Variants in MMP16 observed in about 807,000 individuals in gnomAD.
MMP16 encodes the protein matrix metalloproteinase-16.
Under a neutral mutation model 67.8 loss-of-function variants are expected in MMP16, and 12 were observed. The observed-to-expected ratio is 0.18, with a 90% CI of 0.11 to 0.29. MMP16 has a LOEUF of 0.29. Ranked by LOEUF, MMP16 falls within the 10% of genes least tolerant of loss-of-function variation. The pLI, the probability that MMP16 is intolerant of heterozygous loss-of-function variation, is 1.00. For synonymous variants in MMP16, 249 were observed against 255.9 expected, an observed-to-expected ratio of 0.97 and a Z score of 0.26; for missense variants, 475 against 765.7, an observed-to-expected ratio of 0.62 and a Z score of 4.48.
intron 1 of MMP16, among the ~76,000 whole-genome samples, chr8:88,304,741 A>G (rs561818350): frequency 6.6e-6 from 1 of 152,232 alleles, no homozygotes; most frequent in Non-Finnish European, 1.5e-5. Flanking sequence ...TCAGACAAGC[A>G]AATGCTGAGG....
chr8:88,074,546 C>T (rs941158332), intron 7 of MMP16, 59 bp downstream of exon 7: 4 of 1,530,828 alleles, frequency 2.6e-6, no homozygotes, highest in African/African-American at 2.7e-5. Flanking sequence ...GTGTGCACCA[C>T]AGGGTCCTAT....
chr8:88,168,199 G>A (rs532415437), intron 3 of MMP16, among the ~76,000 whole-genome samples: 7 of 152,166 alleles, frequency 4.6e-5, no homozygotes, highest in African/African-American at 7.2e-5. Flanking sequence ...GAAGATCTCT[G>A]TAGAATGGTT....
At chr8:88,237,044 G>T in intron 1 of MMP16, among the ~76,000 whole-genome samples, 1 of 152,138 alleles carries the variant, frequency 6.6e-6, no homozygotes, top group South Asian at 2.1e-4. Context: ...TTAAATCTCC[G>T]CAACTGCTCA....
chr8:88,106,340 A>G (rs1484921543), intron 6 of MMP16, among the ~76,000 whole-genome samples: 1 of 151,172 alleles, frequency 6.6e-6, no homozygotes, highest in Non-Finnish European at 1.5e-5. Context: ...TATCTTGGAG[A>G]TTCAACCTCA....
rs144694574 is a variant in MMP16, at chr8:88,312,731, G to A, written c.132+14344C>T. ...TGTTTGTAATCCCAACACTTTGGGA[G>A]GCTGAGGCGGGCAGATCACCTGAGG... On this transcript the variant is annotated intron_variant, in intron 1 of 9. Coordinates refer to ENST00000286614, the MANE Select transcript of MMP16 (RefSeq NM_005941.5). Among the ~76,000 whole-genome samples the A allele has an allele frequency of 5.4e-3, 824 of 152,260 alleles. 9 individuals carry two copies. The highest frequency in any genetic ancestry group is 0.019 in the African/African-American group (781 of 41,546).
chr8:88,230,847 C>T (rs1024453519), intron 1 of MMP16, among the ~76,000 whole-genome samples: 2 of 152,106 alleles, frequency 1.3e-5, no homozygotes, highest in African/African-American at 4.8e-5. Flanking sequence ...TATTCATGAT[C>T]TCTCTGTGAG....
intron 1 of MMP16, among the ~76,000 whole-genome samples, chr8:88,293,413 A>G (rs770961076): frequency 1.3e-5 from 2 of 152,140 alleles, no homozygotes; most frequent in Non-Finnish European, 2.9e-5. Flanking sequence ...CTATCTAATT[A>G]AATTCATTAC....
At chr8:88,228,555 A>C (rs1013665398) in intron 1 of MMP16, among the ~76,000 whole-genome samples, 17 of 152,112 alleles carry the variant, frequency 1.1e-4, no homozygotes, top group African/African-American at 4.1e-4. Flanking sequence ...ATTATAATAA[A>C]ATGTGTAGCT....
intron 6 of MMP16, among the ~76,000 whole-genome samples, chr8:88,115,494 T>C (rs1323357770): frequency 1.3e-5 from 2 of 152,086 alleles, no homozygotes; most frequent in Non-Finnish European, 2.9e-5. Flanking sequence ...ATGCATATTA[T>C]ATCGAATCCA....
intron 4 of MMP16, among the ~76,000 whole-genome samples, chr8:88,159,680 T>A (rs950597697): frequency 6.6e-6 from 1 of 151,902 alleles, no homozygotes. Flanking sequence ...TGAATAGGAG[T>A]GGTGAGAGAG....
chr8:88,068,243 AT>A (rs1416248122), intron 7 of MMP16, among the ~76,000 whole-genome samples: 2 of 151,954 alleles, frequency 1.3e-5, no homozygotes, highest in Non-Finnish European at 2.9e-5. Flanking sequence ...TACTCTGTTC[AT>A]TTTTATTGAG....
intron 7 of MMP16, among the ~76,000 whole-genome samples, chr8:88,060,166 C>T (rs536658146): frequency 5.1e-4 from 78 of 152,068 alleles, no homozygotes; most frequent in Non-Finnish European, 1.0e-3. Context: ...GACTGTTCAA[C>T]GTAAAATTGT....
At chr8:88,140,659 ATAAC>A in intron 4 of MMP16, among the ~76,000 whole-genome samples, 1 of 152,314 alleles carries the variant, frequency 6.6e-6, no homozygotes, top group Non-Finnish European at 1.5e-5. Flanking sequence ...TATTGAATAT[ATAAC>A]TAAGTTCTTT....
At chr8:88,156,507 T>C (rs752752689) in intron 4 of MMP16, among the ~76,000 whole-genome samples, 2 of 152,144 alleles carry the variant, frequency 1.3e-5, no homozygotes, top group South Asian at 2.1e-4. Flanking sequence ...AAGAGAGTTA[T>C]AAATTAAATG....
intron 2 of MMP16, among the ~76,000 whole-genome samples, chr8:88,189,825 A>C (rs1643852444): frequency 6.6e-6 from 1 of 152,188 alleles, no homozygotes; most frequent in Non-Finnish European, 1.5e-5. Flanking sequence ...CCAATGCAGC[A>C]TGTCTTATAA....
chr8:88,153,858 T>C (rs1257324437), intron 4 of MMP16, among the ~76,000 whole-genome samples: 1 of 151,752 alleles, frequency 6.6e-6, no homozygotes, highest in Non-Finnish European at 1.5e-5. Flanking sequence ...AAGCCAAAAG[T>C]GACAAATGGG....
At chr8:88,232,748 A>G (rs1048141540) in intron 1 of MMP16, among the ~76,000 whole-genome samples, 1 of 152,226 alleles carries the variant, frequency 6.6e-6, no homozygotes, top group African/African-American at 2.4e-5. Flanking sequence ...AATATTGTCA[A>G]TATAAACAGC....
chr8:88,032,152 A>G lies in MMP16; in HGVS notation c.*9309T>C, dbSNP rs1487278514. The G allele has an allele frequency of 6.6e-6, 1 of 152,118 alleles. No homozygotes were observed. The highest frequency in any genetic ancestry group is 2.1e-4 in the South Asian group (1 of 4,834). The allele number at this position is 152,118 out of a possible 1,614,324, so 9.4% of individuals were successfully genotyped here. On this transcript the variant is annotated 3_prime_UTR_variant, in exon 10 of 10. Coordinates refer to ENST00000286614, the MANE Select transcript of MMP16 (RefSeq NM_005941.5). ...ACTTACAGCAGACAAAAACTGCCCC[A>G]CCCCTAATCCCCTCCTTGAATGGAA...
At chr8:88,082,398 C>T (rs1356215664) in intron 6 of MMP16, among the ~76,000 whole-genome samples, 1 of 152,006 alleles carries the variant, frequency 6.6e-6, no homozygotes, top group Non-Finnish European at 1.5e-5. Context: ...TGTCTTTTGA[C>T]CCAGTAATCT....
Sources: allele counts gnomAD v4.1 joint callset (sites outside exome capture counted in the v4.1 genomes callset), GRCh38; gene constraint gnomAD v4.1.1; transcripts MANE v1.5; gene names NCBI Gene and HGNC (gene_info 2026-07-23, HGNC 2026-07-21).